Variants in DGKZ observed in about 807,000 individuals in gnomAD.
The protein encoded by DGKZ is diacylglycerol kinase zeta.
A neutral mutation model predicts 142.5 loss-of-function variants in DGKZ; 45 were observed. The observed-to-expected ratio is 0.32, with a 90% CI of 0.25 to 0.40. DGKZ has a LOEUF of 0.40. Among genes scored for constraint, DGKZ ranks in the 10% least tolerant of loss-of-function variants. DGKZ has a pLI of 1.00. For synonymous variants in DGKZ, 442 were observed against 527.0 expected, an observed-to-expected ratio of 0.84 and a Z score of 2.21; for missense variants, 755 against 1,306.5, an observed-to-expected ratio of 0.58 and a Z score of 6.51.
At chr11:46,368,490 G>A in intron 4 of DGKZ, 2 of 350,864 alleles carry the variant, frequency 5.7e-6, no homozygotes, top group Non-Finnish European at 1.1e-5. Context: ...TTTGCAGCTG[G>A]GGGCATGTCT....
chr11:46,342,222 A>AG (rs1317860752), intron 1 of DGKZ, among the ~76,000 whole-genome samples: 1 of 152,118 alleles, frequency 6.6e-6, no homozygotes, highest in Non-Finnish European at 1.5e-5. Context: ...GGAACTGCCA[A>AG]GGGCATCCTC....
chr11:46,347,856 C>A lies in DGKZ; in HGVS notation c.161+36C>A. ...CGGCGGCGGGGCAGGCACCGAGGCACCGGCAGGTTACCGCTCCCTCACCGG... is the reference window on the plus strand; with the variant it reads ...CGGCGGCGGGGCAGGCACCGAGGCAACGGCAGGTTACCGCTCCCTCACCGG... On this transcript the variant is annotated intron_variant, in intron 1 of 30. Transcript: ENST00000527911. The surrounding 1 kb of genome is among the most constrained non-coding windows in gnomAD (Gnocchi z 6.4). 7.8e-7 allele frequency: 1 copy of A among 1,274,092 alleles called. No homozygotes were observed. The allele number at this position is 1,274,092 out of a possible 1,614,324, so 78.9% of individuals were successfully genotyped here.
At chr11:46,356,850 TAGG>T (rs1205667902) in intron 1 of DGKZ, among the ~76,000 whole-genome samples, 1 of 152,172 alleles carries the variant, frequency 6.6e-6, no homozygotes, top group Non-Finnish European at 1.5e-5. Flanking sequence ...CAACTATTCT[TAGG>T]AGGATTCGTA....
chr11:46,350,009 C>T (rs1269234877), intron 1 of DGKZ, among the ~76,000 whole-genome samples: 1 of 152,208 alleles, frequency 6.6e-6, no homozygotes, highest in Non-Finnish European at 1.5e-5. Flanking sequence ...AGTAGTCCGT[C>T]ACGCTGGGGA....
chr11:46,347,266 G>A, upstream of DGKZ: 1 of 973,264 alleles, frequency 1.0e-6, no homozygotes, highest in Non-Finnish European at 1.2e-6. The surrounding 1 kb of genome is among the most constrained non-coding windows in gnomAD (Gnocchi z 6.4). Flanking sequence ...GGGCCGGGCC[G>A]GGCTGGGGGC....
At position 46,367,167 on chromosome 11, in the gene DGKZ, T is replaced by C; in HGVS notation, c.162-124T>C. On this transcript the variant is annotated intron_variant, in intron 1 of 30. Transcript: ENST00000527911. This position sits in a 1 kb window ranked among gnomAD's most constrained non-coding sequence, Gnocchi z 4.1. Reference sequence around the variant, plus strand: ...CAGGGAGCCTCTTAGTGTCTGGGGCTGCTGGGAGGCTCCTCCGCCCTCCCT... The same window carrying C: ...CAGGGAGCCTCTTAGTGTCTGGGGCCGCTGGGAGGCTCCTCCGCCCTCCCT... The C allele has an allele frequency of 8.0e-7, 1 of 1,245,514 alleles. No homozygotes were observed. The highest frequency in any genetic ancestry group is 1.1e-6 in the Non-Finnish European group (1 of 871,438). 77.2% of individuals were successfully genotyped at this position (1,245,514 alleles called of 1,614,324 possible).
At chr11:46,358,114 C>G (rs1181281060) in intron 1 of DGKZ, among the ~76,000 whole-genome samples, 1 of 152,196 alleles carries the variant, frequency 6.6e-6, no homozygotes, top group Admixed American at 6.5e-5. Flanking sequence ...CAGAGATACC[C>G]TGGTTCCTGC....
chr11:46,372,896 T>G lies in DGKZ; in HGVS notation c.1185+12T>G. 6.4e-7 allele frequency: 1 copy of G among 1,569,462 alleles called. No homozygotes were observed. Among genetic ancestry groups the G allele is most frequent in the Non-Finnish European group, 8.6e-7 (1 of 1,157,152 alleles). The stretch of plus-strand genomic sequence containing the variant: ...TCAACTGGGGTGGGGTAAGCACCCA[T>G]AGGAGGGGGGTGCAGCTGGGGCCTC... On this transcript the variant is annotated intron_variant, in intron 13 of 30. Coordinates refer to ENST00000527911, the Ensembl canonical transcript of DGKZ. The surrounding 1 kb of genome is among the most constrained non-coding windows in gnomAD (Gnocchi z 5.9).
At chr11:46,344,202 A>G (rs1940421410), upstream of DGKZ, among the ~76,000 whole-genome samples, 2 of 151,924 alleles carry the variant, frequency 1.3e-5, no homozygotes. Flanking sequence ...CACCAGCCTC[A>G]GCCTCCCAAT....
intron 1 of DGKZ, among the ~76,000 whole-genome samples, chr11:46,360,820 G>A (rs533059339): frequency 4.6e-5 from 7 of 152,154 alleles, no homozygotes; most frequent in Non-Finnish European, 1.0e-4. Context: ...GAGGTCTTGG[G>A]ATCAGGCAGT....
chr11:46,376,473 C>T, intron 23 of DGKZ, 51 bp from the exon 24 acceptor site: 2 of 1,613,898 alleles, frequency 1.2e-6, no homozygotes, highest in Non-Finnish European at 1.7e-6. Context: ...AGCAGAGGAC[C>T]TGGGCCTGGA....
intron 1 of DGKZ, among the ~76,000 whole-genome samples, chr11:46,353,262 A>G (rs1006039137): frequency 2.6e-5 from 4 of 152,190 alleles, no homozygotes; most frequent in African/African-American, 4.8e-5. Flanking sequence ...GCCCAGCCCA[A>G]TGATCTTCTC....
chr11:46,342,370 G>A (rs1156298018), intron 1 of DGKZ, among the ~76,000 whole-genome samples: 1 of 152,216 alleles, frequency 6.6e-6, no homozygotes, highest in Admixed American at 6.5e-5. Context: ...GCTTCTTGAA[G>A]CCTCCAGCCT....
intron 1 of DGKZ, among the ~76,000 whole-genome samples, chr11:46,354,549 C>T (rs1590442035): frequency 6.6e-6 from 1 of 152,154 alleles, no homozygotes; most frequent in South Asian, 2.1e-4. Context: ...CATTAAATAT[C>T]TTGGCGTTAG....
rs1296187752 is a variant in DGKZ, at chr11:46,347,584, G to C, written c.-76G>C. 2.9e-5 allele frequency: 33 copies of C among 1,127,666 alleles called. No homozygotes were observed. The East Asian group carries it at 9.0e-4, about 31-fold the overall frequency. The allele number at this position is 1,127,666 out of a possible 1,614,324, so 69.9% of individuals were successfully genotyped here. On this transcript the variant is annotated 5_prime_UTR_variant, in exon 1 of 31. Coordinates refer to ENST00000527911, the Ensembl canonical transcript of DGKZ. This position sits in a 1 kb window ranked among gnomAD's most constrained non-coding sequence, Gnocchi z 6.4. ...ATGGAGGTGGCGGGCGGCGCGGAGC[G>C]GGCGTGCTGAGCCCCGGCCGCCGGC...
chr11:46,351,824 G>C lies in DGKZ; in HGVS notation c.161+4004G>C, dbSNP rs186183741. Among the ~76,000 whole-genome samples the C allele has an allele frequency of 3.5e-3, 528 of 152,350 alleles. 3 individuals are homozygous for C. The highest frequency in any genetic ancestry group is 0.012 in the African/African-American group (516 of 41,584). On this transcript the variant is annotated intron_variant, in intron 1 of 30. Coordinates refer to ENST00000527911, the Ensembl canonical transcript of DGKZ. ...ACAGCTGGCCCCTGCTGGGAACCCAGTGTAGAATTCTCACAGTCTCCCTCT... is the reference window on the plus strand; with the variant it reads ...ACAGCTGGCCCCTGCTGGGAACCCACTGTAGAATTCTCACAGTCTCCCTCT...
At chr11:46,355,633 GC>G (rs1434048472) in intron 1 of DGKZ, among the ~76,000 whole-genome samples, 1 of 152,170 alleles carries the variant, frequency 6.6e-6, no homozygotes, top group African/African-American at 2.4e-5. Context: ...TACTGTGAAG[GC>G]CTTTGTCCCC....
At chr11:46,375,399 G>C (rs1228751327) in intron 19 of DGKZ, 33 bp from the exon 20 acceptor site, 2 of 1,543,180 alleles carry the variant, frequency 1.3e-6, no homozygotes, top group Non-Finnish European at 1.7e-6. Context: ...CCCAGCCCTG[G>C]TGCCATCTGA....
rs374438025 is a variant in DGKZ at position 46,378,438 on chromosome 11, A to G, written c.2375-19A>G. ...CCCAGGCCTCCGACTGCAGAGTAACAGGCAGGTATTCCGTGCAGGTGAAGA... is the reference window on the plus strand; with the variant it reads ...CCCAGGCCTCCGACTGCAGAGTAACGGGCAGGTATTCCGTGCAGGTGAAGA... On this transcript the variant is annotated intron_variant, in intron 26 of 30. Transcript: ENST00000527911. The G allele has an allele frequency of 2.9e-5, 46 of 1,586,278 alleles. No homozygotes were observed. Among genetic ancestry groups the G allele is most frequent in the Non-Finnish European group, 3.7e-5 (43 of 1,163,926 alleles).
Sources: allele counts gnomAD v4.1 joint callset (sites outside exome capture counted in the v4.1 genomes callset), GRCh38; gene constraint gnomAD v4.1.1; non-coding constraint Gnocchi (gnomAD v3.1); transcripts MANE v1.5; gene names NCBI Gene and HGNC (gene_info 2026-07-23, HGNC 2026-07-21).